TRPC5: variants seen among roughly 807,000 people sequenced by gnomAD.
TRPC5 encodes short transient receptor potential channel 5.
Under a neutral mutation model 56.5 loss-of-function variants are expected in TRPC5, and 9 were observed. The ratio of observed to expected loss-of-function variants is 0.16; its 90% CI spans 0.10 to 0.28. The LOEUF (loss-of-function observed/expected upper bound fraction) is 0.28, where lower values mean the gene tolerates loss of function less well. Ranked by LOEUF, TRPC5 falls within the 10% of genes least tolerant of loss-of-function variation. The probability of loss-of-function intolerance (pLI) is 1.00; values close to 1 mark genes in which losing one functional copy is unlikely to be tolerated. For missense variants in TRPC5, 469 were observed against 748.9 expected, an observed-to-expected ratio of 0.63 and a Z score of 4.36; for synonymous variants, 282 against 278.5, an observed-to-expected ratio of 1.01 and a Z score of -0.13.
At chrX:111,944,303 T>TGTGTGTGTGAAA (rs1173179815) in intron 2 of TRPC5, among the ~76,000 whole-genome samples, 2 of 61,393 alleles carry the variant, frequency 3.3e-5, no homozygotes, top group African/African-American at 2.1e-4. Context: ...TGTGTGTGTG[T>TGTGTGTGTGAAA]GAGAGAGAGA....
intron 7 of TRPC5, among the ~76,000 whole-genome samples, chrX:111,833,762 C>A (rs1380691255): frequency 1.8e-5 from 2 of 110,712 alleles, no homozygotes; most frequent in African/African-American, 6.6e-5. Flanking sequence ...TATATATGCA[C>A]ATACACATAT....
chrX:111,958,735 A>C (rs1003000149), intron 1 of TRPC5, among the ~76,000 whole-genome samples: 2 of 112,188 alleles, frequency 1.8e-5, no homozygotes, highest in Non-Finnish European at 3.8e-5. Flanking sequence ...AGAAGGAAAA[A>C]CTGAAAGAAA....
intron 1 of TRPC5, among the ~76,000 whole-genome samples, chrX:112,060,759 C>T (rs1028937778): frequency 8.9e-6 from 1 of 112,163 alleles, no homozygotes; most frequent in African/African-American, 3.2e-5. Flanking sequence ...ATCCTCCCCC[C>T]ACCAAAATAA....
rs1455405998 is a variant in TRPC5 at position 111,912,438 on chromosome X, A to C, written c.753T>G (p.Phe251Leu). 1.7e-6 allele frequency: 2 copies of C among 1,209,674 alleles called. No homozygotes were observed. Among genetic ancestry groups the C allele is most frequent in the African/African-American group, 3.5e-5 (2 of 57,023 alleles). Residue 251 changes from phenylalanine to leucine, a missense_variant, in exon 3 of 11, where the codon TTT (phenylalanine) becomes TTG (leucine). Physicochemically the swap from Phe to Leu is conservative, Grantham distance 22. This residue lies in a region of TRPC5 where 157 missense variants were observed against 360.0 expected (regional missense o/e 0.44). Transcript: ENST00000262839. The part of the protein sequence containing the change: ...YEELSQQCKL[F>L]AKDLLDQARS... Reference sequence around the variant, plus strand: ...GAGCTTGGTCCAGCAGGTCTTTGGCAAAGAGCTTGCACTGCTGAGAGAGCT... The same window carrying C: ...GAGCTTGGTCCAGCAGGTCTTTGGCCAAGAGCTTGCACTGCTGAGAGAGCT...
intron 10 of TRPC5, among the ~76,000 whole-genome samples, chrX:111,778,211 G>A (rs1945893685): frequency 9.0e-6 from 1 of 110,844 alleles, no homozygotes; most frequent in Non-Finnish European, 1.9e-5. Context: ...TGGGTTGATG[G>A]GTGCAGCAAA....
chrX:112,068,104 G>T (rs1930631005), intron 1 of TRPC5, among the ~76,000 whole-genome samples: 1 of 111,986 alleles, frequency 8.9e-6, no homozygotes, highest in Non-Finnish European at 1.9e-5. Flanking sequence ...ACCATTCCAG[G>T]AATGTCTCTT....
At chrX:111,951,560 C>T (rs1297617964) in intron 2 of TRPC5, among the ~76,000 whole-genome samples, 2 of 111,527 alleles carry the variant, frequency 1.8e-5, no homozygotes, top group African/African-American at 6.5e-5. Context: ...TTGACAGGTA[C>T]TGGGAAAATA....
intron 7 of TRPC5, among the ~76,000 whole-genome samples, chrX:111,815,078 T>A (rs1921818575): frequency 8.9e-6 from 1 of 111,919 alleles, no homozygotes; most frequent in African/African-American, 3.3e-5. Flanking sequence ...AGCTGGGCCT[T>A]GAGACATTAG....
intron 7 of TRPC5, among the ~76,000 whole-genome samples, chrX:111,819,734 A>G (rs1248200660): frequency 9.0e-6 from 1 of 111,726 alleles, no homozygotes; most frequent in Non-Finnish European, 1.9e-5. Flanking sequence ...ATCAGGAACT[A>G]ACTTTTAACT....
intron 3 of TRPC5, among the ~76,000 whole-genome samples, chrX:111,908,338 C>T (rs992373109): frequency 1.8e-5 from 2 of 111,375 alleles, no homozygotes; most frequent in African/African-American, 3.3e-5. Context: ...TTCTAATCAT[C>T]GTGGCTTAGT....
At chrX:112,046,031 T>G (rs1930010753) in intron 1 of TRPC5, among the ~76,000 whole-genome samples, 2 of 110,388 alleles carry the variant, frequency 1.8e-5, no homozygotes, top group South Asian at 7.9e-4. Flanking sequence ...AGTCAGTGGA[T>G]GCCAGGGGTG....
chrX:111,781,954 C>T lies in TRPC5; in HGVS notation c.2081G>A (p.Arg694His), dbSNP rs144130119. Residue 694 changes from arginine (R) to histidine (H), a missense_variant, in exon 8 of 11, where the codon CGC becomes CAC. Physicochemically the swap from Arg to His is conservative, Grantham distance 29. This residue lies in a region of TRPC5 where 194 missense variants were observed against 221.8 expected (regional missense o/e 0.87). Coordinates refer to ENST00000262839, the MANE Select transcript of TRPC5 (RefSeq NM_012471.3). ...KRDPDGRRRRRNLRSFTERNA... is the reference protein window; with the variant it reads ...KRDPDGRRRRHNLRSFTERNA... ...TCTTACTGTGAAACTTCTCAAGTTG[C>T]GCCTTCTCCGTCTACCGTCAGGGTC... The T allele has an allele frequency of 1.1e-5, 13 of 1,190,188 alleles. No homozygotes were observed. Among genetic ancestry groups the T allele is most frequent in the South Asian group, 1.9e-5 (1 of 53,649 alleles).
chrX:111,908,249 A>G (rs1331015042), intron 3 of TRPC5, among the ~76,000 whole-genome samples: 1 of 111,836 alleles, frequency 8.9e-6, no homozygotes, highest in Non-Finnish European at 1.9e-5. Context: ...TTTGATGAGT[A>G]TAAATTATGT....
chrX:111,893,223 C>T (rs1278619225), intron 3 of TRPC5, among the ~76,000 whole-genome samples: 1 of 110,716 alleles, frequency 9.0e-6, no homozygotes, highest in Non-Finnish European at 1.9e-5. Flanking sequence ...GAAATAGAAC[C>T]CCTTTTCCTG....
intron 1 of TRPC5, among the ~76,000 whole-genome samples, chrX:111,953,604 G>T (rs1293636518): frequency 1.8e-5 from 2 of 111,825 alleles, no homozygotes; most frequent in Non-Finnish European, 3.8e-5. Flanking sequence ...GAGGCCTCCA[G>T]GCCACTCTGG....
In TRPC5 at chrX:112,081,922, A is replaced by G. The variant is rs761812377; in HGVS notation, c.-65T>C. ...TTCGGATAAAATCTGTGTCGTCTGG[A>G]TGTCCACCGGCCAGGATGCGTGGTG... On this transcript the variant is annotated 5_prime_UTR_variant, in exon 1 of 11. Transcript: ENST00000262839. 1 of 111,560 alleles carries G rather than the reference A, an allele frequency of 9.0e-6. No individual in the cohort carries two copies. The highest frequency in any genetic ancestry group is 3.8e-4 in the South Asian group (1 of 2,638). The allele number at this position is 111,560 out of a possible 1,213,427, so 9.2% of individuals were successfully genotyped here.
chrX:112,006,879 A>G (rs769335906), intron 1 of TRPC5, among the ~76,000 whole-genome samples: 2 of 111,942 alleles, frequency 1.8e-5, no homozygotes, highest in South Asian at 7.5e-4. Context: ...CCAGTGCAAA[A>G]TGAAATTGCA....
chrX:112,005,463 TAAAA>T (rs745973541), intron 1 of TRPC5, among the ~76,000 whole-genome samples: 1 of 66,394 alleles, frequency 1.5e-5, no homozygotes. Flanking sequence ...AACCTAAAAG[TAAAA>T]AAAAAAAAAA....
intron 1 of TRPC5, among the ~76,000 whole-genome samples, chrX:112,070,538 C>T (rs1053103355): frequency 9.0e-6 from 1 of 111,156 alleles, no homozygotes; most frequent in African/African-American, 3.3e-5. Flanking sequence ...ATCTCCCCCA[C>T]CCCACGTAAA....
Sources: allele counts gnomAD v4.1 joint callset (sites outside exome capture counted in the v4.1 genomes callset), GRCh38; gene constraint gnomAD v4.1.1; regional missense constraint gnomAD v4.1.1; transcripts MANE v1.5; gene names NCBI Gene and HGNC (gene_info 2026-07-23, HGNC 2026-07-21).